TXNRD1: variants seen among roughly 807,000 people sequenced by gnomAD.
TXNRD1 encodes thioredoxin reductase 1, cytoplasmic.
Under a neutral mutation model 80.3 loss-of-function variants are expected in TXNRD1, and 57 were observed. That is an observed-to-expected ratio of 0.71 (90% CI 0.57 to 0.89). The LOEUF is 0.89. TXNRD1 is among the 40% of genes least tolerant of loss of function. TXNRD1 has a pLI of 0.00. For synonymous variants in TXNRD1, 291 were observed against 285.2 expected (o/e 1.02, Z -0.20); for missense variants, 730 against 803.0 (o/e 0.91, Z 1.10).
intron 4 of TXNRD1, 169 bp downstream of exon 4, chr12:104,289,209 T>A (rs961731029): frequency 4.7e-6 from 3 of 635,686 alleles, no homozygotes; most frequent in East Asian, 5.9e-5. Flanking sequence ...TCGAAGTTGA[T>A]GAGACGTTGG....
At chr12:104,336,854 A>G (rs1233763007) in intron 15 of TXNRD1, among the ~76,000 whole-genome samples, 1 of 152,230 alleles carries the variant, frequency 6.6e-6, no homozygotes, top group African/African-American at 2.4e-5. Context: ...ATGGAAGTTA[A>G]GTAACTGTGC....
chr12:104,285,316 A>AAT (rs1329539361), intron 3 of TXNRD1, among the ~76,000 whole-genome samples: 2 of 152,230 alleles, frequency 1.3e-5, no homozygotes, highest in Admixed American at 6.5e-5. Context: ...AGGGTAAGGC[A>AAT]TCTGGGCTCT....
intron 1 of TXNRD1, among the ~76,000 whole-genome samples, chr12:104,242,160 A>G (rs997979721): frequency 6.6e-6 from 1 of 151,164 alleles, no homozygotes; most frequent in Non-Finnish European, 1.5e-5. Context: ...AGTGGTCTTG[A>G]ACACCTGACC....
chr12:104,260,287 G>A (rs1353603225), intron 3 of TXNRD1, among the ~76,000 whole-genome samples: 1 of 152,000 alleles, frequency 6.6e-6, no homozygotes, highest in Non-Finnish European at 1.5e-5. Flanking sequence ...GACCAGTATG[G>A]AGAAACCCCG....
chr12:104,283,533 A>G (rs898475492), intron 3 of TXNRD1, among the ~76,000 whole-genome samples: 2 of 151,516 alleles, frequency 1.3e-5, no homozygotes, highest in Non-Finnish European at 2.9e-5. Flanking sequence ...TTCAGCCGTG[A>G]GCCATTGCAC....
intron 1 of TXNRD1, among the ~76,000 whole-genome samples, chr12:104,225,460 C>G (rs930452826): frequency 2.0e-5 from 3 of 152,162 alleles, no homozygotes; most frequent in African/African-American, 7.2e-5. Flanking sequence ...CAAATCTCAC[C>G]TTGAATTGTA....
At chr12:104,276,049 AT>A (rs2033750584) in intron 3 of TXNRD1, among the ~76,000 whole-genome samples, 1 of 152,224 alleles carries the variant, frequency 6.6e-6, no homozygotes, top group Admixed American at 6.5e-5. Flanking sequence ...TCTTATAACT[AT>A]TGAGCTATAC....
intron 13 of TXNRD1, among the ~76,000 whole-genome samples, chr12:104,331,161 C>A (rs892491146): frequency 2.0e-5 from 3 of 151,910 alleles, no homozygotes; most frequent in African/African-American, 7.3e-5. Context: ...TTAAAGAAAT[C>A]TTTTAATTTT....
chr12:104,300,481 G>C (rs973714553), intron 4 of TXNRD1, among the ~76,000 whole-genome samples: 5 of 152,296 alleles, frequency 3.3e-5, no homozygotes, highest in African/African-American at 1.2e-4. Flanking sequence ...AAATTTATCA[G>C]TAGTGCAGTT....
intron 1 of TXNRD1, among the ~76,000 whole-genome samples, chr12:104,246,135 A>AC (rs2032986546): frequency 7.2e-6 from 1 of 139,716 alleles, no homozygotes; most frequent in Non-Finnish European, 1.5e-5. Flanking sequence ...AAAAAAAAAA[A>AC]AACTTTTCCC....
At chr12:104,267,705 C>T (rs796228754) in intron 3 of TXNRD1, among the ~76,000 whole-genome samples, 18 of 50,212 alleles carry the variant, frequency 3.6e-4, no homozygotes, top group African/African-American at 5.3e-4. Flanking sequence ...TTCTTTCTCT[C>T]TTTCTTTCTT....
chr12:104,326,460 A>ATTTTTTTTT lies in TXNRD1; in HGVS notation c.1385+51_1385+59dup, dbSNP rs371884469. The ATTTTTTTTT allele has an allele frequency of 9.6e-5, 52 of 540,164 alleles. 11 individuals carry two copies. The highest frequency in any genetic ancestry group is 1.7e-4 in the Admixed American group (3 of 17,860). 33.5% of individuals were successfully genotyped at this position (540,164 alleles called of 1,614,324 possible). A position where few individuals can be genotyped will look rare whatever the true frequency, so the allele number is the denominator to read the frequency against. Reference sequence around the variant, plus strand: ...ATCTTTATTATGTCATATTTGTGGGATTTTTTTTTTTTTTTTTTTTTTGAG... The same window carrying ATTTTTTTTT: ...ATCTTTATTATGTCATATTTGTGGGATTTTTTTTTTTTTTTTTTTTTTTTTTTTTTTGAG... On this transcript the variant is annotated intron_variant, in intron 12 of 16. Transcript: ENST00000525566.
At chr12:104,294,241 C>CT in intron 4 of TXNRD1, among the ~76,000 whole-genome samples, 1 of 124,706 alleles carries the variant, frequency 8.0e-6, no homozygotes, top group Non-Finnish European at 1.8e-5. Context: ...AGGCCCCCCC[C>CT]CCCGCCGCCG....
At chr12:104,286,581 T>G (rs922111310) in intron 3 of TXNRD1, 70 of 374,994 alleles carry the variant, frequency 1.9e-4, no homozygotes, top group African/African-American at 1.3e-3. Context: ...TCAATCACCT[T>G]TGGAGTTTTT....
chr12:104,294,251 G>GCCA (rs1374087034), intron 4 of TXNRD1, among the ~76,000 whole-genome samples: 2 of 105,778 alleles, frequency 1.9e-5, no homozygotes, highest in African/African-American at 6.6e-5. Context: ...CCCCGCCGCC[G>GCCA]GCTTTCCCGG....
chr12:104,329,999 T>C (rs2035896045), intron 13 of TXNRD1, among the ~76,000 whole-genome samples: 2 of 152,230 alleles, frequency 1.3e-5, no homozygotes, highest in African/African-American at 4.8e-5. Context: ...TGTTGCTTCA[T>C]CCCTGTCTGG....
At chr12:104,237,049 G>A (rs1325978778) in intron 1 of TXNRD1, among the ~76,000 whole-genome samples, 1 of 152,024 alleles carries the variant, frequency 6.6e-6, no homozygotes, top group East Asian at 1.9e-4. Flanking sequence ...GGGGTTGGGA[G>A]GGAACAAGAA....
intron 3 of TXNRD1, among the ~76,000 whole-genome samples, chr12:104,270,051 C>T (rs1238554859): frequency 6.6e-6 from 1 of 152,144 alleles, no homozygotes; most frequent in Non-Finnish European, 1.5e-5. Context: ...TCCACCATAT[C>T]TTCAGTTACT....
chr12:104,222,668 C>A (rs967515713), intron 1 of TXNRD1, among the ~76,000 whole-genome samples: 1 of 152,140 alleles, frequency 6.6e-6, no homozygotes, highest in African/African-American at 2.4e-5. Flanking sequence ...GTCTGGCGAA[C>A]ATGGTGAAAC....
Sources: gnomAD v4.1 joint callset for allele counts (sites outside exome capture counted in the v4.1 genomes callset) on GRCh38, gnomAD v4.1.1 for gene constraint, MANE v1.5 for transcripts, NCBI Gene and HGNC (gene_info 2026-07-23, HGNC 2026-07-21) for gene names.